CHSY3: variants seen among roughly 807,000 people sequenced by gnomAD.
CHSY3 encodes the protein N-acetylgalactosaminyl-proteoglycan 3-beta-glucuronosyltransferase 3.
A neutral mutation model predicts 67.2 loss-of-function variants in CHSY3; 35 were observed. That is an observed-to-expected ratio of 0.52 (90% CI 0.40 to 0.69). The LOEUF (loss-of-function observed/expected upper bound fraction) is 0.69. CHSY3 is among the 30% of genes least tolerant of loss of function. The pLI is 0.00. For missense variants in CHSY3, 1,069 were observed against 1,138.5 expected (o/e 0.94, Z 0.88); for synonymous variants, 474 against 434.7 (o/e 1.09, Z -1.12).
At chr5:130,014,590 T>C (rs1371855231) in intron 2 of CHSY3, among the ~76,000 whole-genome samples, 1 of 152,182 alleles carries the variant, frequency 6.6e-6, no homozygotes, top group African/African-American at 2.4e-5. Flanking sequence ...CTTGACAATC[T>C]AATTACCTCC....
At chr5:130,092,838 G>A (rs751497810) in intron 2 of CHSY3, among the ~76,000 whole-genome samples, 1 of 152,174 alleles carries the variant, frequency 6.6e-6, no homozygotes, top group Non-Finnish European at 1.5e-5. Context: ...GGAACCATGT[G>A]TAGGAAAACA....
chr5:129,968,246 T>C (rs867700263), intron 2 of CHSY3, among the ~76,000 whole-genome samples: 11 of 151,828 alleles, frequency 7.2e-5, no homozygotes, highest in South Asian at 4.1e-4. Flanking sequence ...AAAATGAACT[T>C]GCAATTAACT....
At position 129,928,044 on chromosome 5, in the gene CHSY3, T is replaced by A. The variant is rs115528151; in HGVS notation, c.1086+19684T>A. 3.0e-3 allele frequency among the ~76,000 whole-genome samples: 449 copies of A among 152,176 alleles called. 2 individuals carry two copies. Among genetic ancestry groups the A allele is most frequent in the Middle Eastern group, 0.014 (4 of 294 alleles). ...GTAGAAAATTATGAAAATACATTTT[T>A]AAAACTTTTAAGTTCGGGAGTACAT... On this transcript the variant is annotated intron_variant, in intron 2 of 2. Transcript: ENST00000305031.
intron 2 of CHSY3, among the ~76,000 whole-genome samples, chr5:130,130,781 G>A (rs1356586312): frequency 2.0e-5 from 3 of 152,106 alleles, no homozygotes; most frequent in Non-Finnish European, 4.4e-5. Flanking sequence ...CCTCCACAGA[G>A]GTGTTCATCT....
chr5:130,082,944 A>G (rs1288041167), intron 2 of CHSY3, among the ~76,000 whole-genome samples: 1 of 151,846 alleles, frequency 6.6e-6, no homozygotes, highest in Non-Finnish European at 1.5e-5. Flanking sequence ...GCAGCCAACA[A>G]TCATGGCACA....
Position 130,185,577 on chromosome 5 carries a change from A to G in CHSY3, c.2435A>G (p.Asn812Ser). ...GGACTAGAAGATGTAGATCTCTACAATAAAGTCATTCTATCTGGCTTAAGG... is the reference window on the plus strand; with the variant it reads ...GGACTAGAAGATGTAGATCTCTACAGTAAAGTCATTCTATCTGGCTTAAGG... The part of the protein sequence containing the change: ...GWGLEDVDLY[N>S]KVILSGLRPF... Residue 812 changes from asparagine to serine, a missense_variant, in exon 3 of 3, where the codon AAT becomes AGT. Asn to Ser is a conservative substitution (Grantham distance 46). Around this residue, in one of 5 missense-constraint regions of CHSY3, gnomAD observed 139 missense variants for 152.8 expected, o/e 0.91. Transcript: ENST00000305031. 3.7e-6 allele frequency: 6 copies of G among 1,613,562 alleles called. No homozygotes were observed. The highest frequency in any genetic ancestry group is 3.4e-6 in the Non-Finnish European group (4 of 1,179,824).
At chr5:130,088,361 G>C (rs1484304938) in intron 2 of CHSY3, among the ~76,000 whole-genome samples, 1 of 143,956 alleles carries the variant, frequency 6.9e-6, no homozygotes, top group Non-Finnish European at 1.5e-5. Flanking sequence ...AGCCAAAATT[G>C]ACAAATTAAA....
At chr5:130,033,982 GC>G (rs1368349818) in intron 2 of CHSY3, among the ~76,000 whole-genome samples, 48 of 152,124 alleles carry the variant, frequency 3.2e-4, no homozygotes, top group African/African-American at 1.2e-3. Context: ...ATTTTAAAAT[GC>G]AAGTTGCAAA....
At chr5:130,059,075 A>G (rs973328856) in intron 2 of CHSY3, among the ~76,000 whole-genome samples, 5 of 152,148 alleles carry the variant, frequency 3.3e-5, no homozygotes, top group African/African-American at 1.2e-4. Context: ...TACCTTAAAG[A>G]TGTGATTAAT....
chr5:129,906,908 T>C (rs923874239), intron 1 of CHSY3, among the ~76,000 whole-genome samples: 39 of 152,328 alleles, frequency 2.6e-4, no homozygotes, highest in African/African-American at 8.9e-4. Flanking sequence ...AGTGTAATCA[T>C]AATAACTAGA....
At chr5:129,994,813 C>T (rs1448902920) in intron 2 of CHSY3, among the ~76,000 whole-genome samples, 8 of 151,222 alleles carry the variant, frequency 5.3e-5, no homozygotes, top group African/African-American at 1.5e-4. Flanking sequence ...AACCAAACAC[C>T]GCATGTTCTC....
At chr5:130,011,228 A>C (rs536624496) in intron 2 of CHSY3, among the ~76,000 whole-genome samples, 2 of 152,326 alleles carry the variant, frequency 1.3e-5, no homozygotes, top group South Asian at 4.1e-4. Flanking sequence ...GTGCTCAACA[A>C]ATACAAGCTA....
intron 2 of CHSY3, among the ~76,000 whole-genome samples, chr5:130,000,267 G>T (rs1391721871): frequency 6.6e-6 from 1 of 152,160 alleles, no homozygotes; most frequent in Non-Finnish European, 1.5e-5. Flanking sequence ...GTTTTGAAAG[G>T]CTGCACTATA....
intron 2 of CHSY3, among the ~76,000 whole-genome samples, chr5:129,947,016 A>G (rs545635703): frequency 6.6e-6 from 1 of 152,282 alleles, no homozygotes; most frequent in Admixed American, 6.5e-5. Context: ...CCGTTCTCAC[A>G]CTGCTAATAA....
intron 2 of CHSY3, among the ~76,000 whole-genome samples, chr5:130,175,202 T>A (rs535348527): frequency 6.6e-6 from 1 of 151,648 alleles, no homozygotes; most frequent in South Asian, 2.2e-4. Flanking sequence ...AGCATTTCTA[T>A]ACACCAATAA....
intron 2 of CHSY3, among the ~76,000 whole-genome samples, chr5:129,930,503 A>AC (rs1481582569): frequency 3.8e-4 from 34 of 90,552 alleles, no homozygotes; most frequent in Non-Finnish European, 5.2e-4. Context: ...AGGAGGCATC[A>AC]CTGGCGGGGG....
intron 2 of CHSY3, among the ~76,000 whole-genome samples, chr5:129,938,754 T>A (rs546834387): frequency 2.0e-5 from 3 of 152,348 alleles, no homozygotes; most frequent in Admixed American, 1.3e-4. Context: ...CTCCGCAGAC[T>A]GGGCTTCGTT....
chr5:129,987,184 C>G (rs1763231255), intron 2 of CHSY3, among the ~76,000 whole-genome samples: 1 of 152,052 alleles, frequency 6.6e-6, no homozygotes, highest in South Asian at 2.1e-4. Context: ...CATTACTACC[C>G]TAGAATTCAG....
intron 2 of CHSY3, among the ~76,000 whole-genome samples, chr5:130,102,209 C>A (rs747731460): frequency 5.9e-5 from 9 of 151,946 alleles, no homozygotes; most frequent in Non-Finnish European, 1.3e-4. Context: ...AAGATTCTGG[C>A]AGTAAGACAG....
Sources: allele counts gnomAD v4.1 joint callset (sites outside exome capture counted in the v4.1 genomes callset), GRCh38; gene constraint gnomAD v4.1.1; regional missense constraint gnomAD v4.1.1; transcripts MANE v1.5; gene names NCBI Gene and HGNC (gene_info 2026-07-23, HGNC 2026-07-21).